The following COL20A1 variants were observed in gnomAD, a reference collection of about 807,000 sequenced individuals.
The protein encoded by COL20A1 is collagen alpha-1(XX) chain.
COL20A1 carries 164 observed loss-of-function variants against 152.9 expected under a neutral mutation model. The observed-to-expected ratio is 1.07, with a 90% confidence interval of 0.94 to 1.22. The LOEUF is 1.22. Among genes scored for constraint, COL20A1 ranks in the 50% most tolerant of loss-of-function variants. COL20A1 has a pLI of 0.00. For missense variants in COL20A1, 1,873 were observed against 1,744.8 expected, an observed-to-expected ratio of 1.07 and a Z score of -1.31; for synonymous variants, 864 against 756.0, an observed-to-expected ratio of 1.14 and a Z score of -2.34.
chr20:63,326,875 G>T lies in COL20A1; in HGVS notation c.3528+52G>T, dbSNP rs568155476. 634 of 1,332,574 alleles carry T rather than the reference G, an allele frequency of 4.8e-4. 1 individual carries two copies. Among genetic ancestry groups the T allele is most frequent in the Middle Eastern group, 2.4e-3 (13 of 5,482 alleles). 82.5% of individuals were successfully genotyped at this position (1,332,574 alleles called of 1,614,324 possible). A position where few individuals can be genotyped will look rare whatever the true frequency, so the allele number is the denominator to read the frequency against. On this transcript the variant is annotated intron_variant, in intron 31 of 35. Coordinates refer to ENST00000358894, the MANE Select transcript of COL20A1 (RefSeq NM_020882.4). ...CCAACCAAAGGTGGGGGAGCGAAGG[G>T]TGCAAGCCCCACATGCAACCACTCA... is the stretch of plus-strand genomic sequence containing the variant.
intron 3 of COL20A1, among the ~76,000 whole-genome samples, chr20:63,304,430 G>T (rs111174531): frequency 1.3e-4 from 11 of 82,426 alleles, no homozygotes; most frequent in South Asian, 4.5e-4. Flanking sequence ...CAGGTGTGCA[G>T]GTGTGGGTTC....
chr20:63,325,363 T>G, intron 27 of COL20A1, 78 bp from the exon 28 acceptor site: 7 of 1,078,574 alleles, frequency 6.5e-6, no homozygotes, highest in East Asian at 2.4e-5. Context: ...CAGGGGCCTG[T>G]GGTAGGTGTC....
chr20:63,305,743 C>A lies in COL20A1; in HGVS notation c.338-138C>A, dbSNP rs957134450. On this transcript the variant is annotated intron_variant, in intron 4 of 35. Coordinates refer to ENST00000358894, the MANE Select transcript of COL20A1 (RefSeq NM_020882.4). This position sits in a 1 kb window ranked among gnomAD's most constrained non-coding sequence, Gnocchi z 4.9. ...GACTCACCAGCAAGGCTGCCTTGCC[C>A]CTGACATCTTTGCATGCCTCCCAGG... 2.7e-6 allele frequency: 3 copies of A among 1,107,210 alleles called. No individual in the cohort carries two copies. The highest frequency in any genetic ancestry group is 2.5e-5 in the East Asian group (1 of 39,404). 68.6% of individuals were successfully genotyped at this position (1,107,210 alleles called of 1,614,324 possible).
chr20:63,331,161 G>C lies in COL20A1; in HGVS notation c.*445G>C, dbSNP rs2068329640. 6.6e-6 allele frequency: 1 copy of C among 152,314 alleles called. No homozygotes were observed. The highest frequency in any genetic ancestry group is 2.4e-5 in the African/African-American group (1 of 41,460). The allele number at this position is 152,314 out of a possible 1,614,324, so 9.4% of individuals were successfully genotyped here. ...TCTGGGCCTCATCTAAGCCTGGCCA[G>C]GGCCCTGTGGGCCCGCCTCTCTCTG... is the stretch of plus-strand genomic sequence containing the variant. On this transcript the variant is annotated 3_prime_UTR_variant, in exon 36 of 36. Transcript: ENST00000358894.
chr20:63,319,814 G>A lies in COL20A1; in HGVS notation c.2916+218G>A, dbSNP rs551094952. Among the ~76,000 whole-genome samples the A allele has an allele frequency of 5.3e-4, 81 of 152,256 alleles. No individual in the cohort carries two copies. The Middle Eastern group carries it at 0.014, about 26-fold the overall frequency. On this transcript the variant is annotated intron_variant, in intron 23 of 35. Transcript: ENST00000358894. This position sits in a 1 kb window ranked among gnomAD's most constrained non-coding sequence, Gnocchi z 4.4. ...CATCTCTTTGGGACCCACAGACCCC[G>A]GGAGGCTCCTGCAGCAGGTGCCATT...
Position 63,311,717 on chromosome 20 carries a change from C to T in COL20A1, c.1632C>T (p.Gly544=). 6.2e-7 allele frequency: 1 copy of T among 1,600,674 alleles called. No homozygotes were observed. The highest frequency in any genetic ancestry group is 1.3e-5 in the African/African-American group (1 of 74,896). ...TGCAGAGCCTGCGAGGCCCTGAGGG[C>T]AGCGAGGCCCGGGGCATCCGTGCCA... ...VSVQSLRGPE[G]SEARGIRART... Residue 544 remains glycine, a synonymous_variant, in exon 13 of 36, where the codon GGC becomes GGT. Coordinates refer to ENST00000358894, the MANE Select transcript of COL20A1 (RefSeq NM_020882.4). This position sits in a 1 kb window ranked among gnomAD's most constrained non-coding sequence, Gnocchi z 4.4.
intron 1 of COL20A1, 166 bp from the exon 2 acceptor site, chr20:63,294,932 C>G (rs1315996760): frequency 3.5e-6 from 2 of 577,108 alleles, no homozygotes; most frequent in African/African-American, 3.8e-5. Flanking sequence ...GAGGTATCCC[C>G]TAGACAACAG....
intron 2 of COL20A1, among the ~76,000 whole-genome samples, chr20:63,296,450 ACT>A (rs1278176373): frequency 6.6e-6 from 1 of 152,206 alleles, no homozygotes; most frequent in African/African-American, 2.4e-5. Context: ...GGCTGGGGGC[ACT>A]GAGTCCAGCC....
chr20:63,312,856 G>A lies in COL20A1; in HGVS notation c.1998G>A (p.Ala666=), dbSNP rs536458654. ...TELPGDAVQL[A]WVAAAPSGVL... The stretch of plus-strand genomic sequence containing the variant: ...TGCCAGGGGATGCAGTCCAGCTGGC[G>A]TGGGTGGCCGCAGCCCCGTCTGGCG... The change falls in exon 16 of 36, where the codon GCG becomes GCA. Residue 666 remains alanine (A), a synonymous_variant. Coordinates refer to ENST00000358894, the MANE Select transcript of COL20A1 (RefSeq NM_020882.4). The A allele has an allele frequency of 4.4e-5, 68 of 1,557,388 alleles. No individual in the cohort carries two copies. The South Asian group carries it at 4.6e-4, about 11-fold the overall frequency.
At chr20:63,301,053 G>A (rs1031096519) in intron 3 of COL20A1, among the ~76,000 whole-genome samples, 5 of 152,030 alleles carry the variant, frequency 3.3e-5, no homozygotes, top group Admixed American at 1.3e-4. Context: ...GGTGGCTCAC[G>A]CCTATAATCC....
rs112496201 is a variant in COL20A1, at chr20:63,334,217, T to A, written c.*3501T>A. 66 of 152,240 alleles carry A rather than the reference T, an allele frequency of 4.3e-4. 1 individual carries two copies. Among genetic ancestry groups the A allele is most frequent in the African/African-American group, 1.5e-3 (62 of 41,512 alleles). The allele number at this position is 152,240 out of a possible 1,614,324, so 9.4% of individuals were successfully genotyped here. The stretch of plus-strand genomic sequence containing the variant: ...ATGAAACTGGAAAAACAACCAATGA[T>A]AACAAGCTAAAGAATGCCTCTAGAA... On this transcript the variant is annotated 3_prime_UTR_variant, in exon 36 of 36. Coordinates refer to ENST00000358894, the MANE Select transcript of COL20A1 (RefSeq NM_020882.4).
chr20:63,323,477 G>A (rs1390476675), intron 27 of COL20A1, among the ~76,000 whole-genome samples: 2 of 152,174 alleles, frequency 1.3e-5, no homozygotes, highest in Non-Finnish European at 2.9e-5. Context: ...GTGCTTCCAG[G>A]CACTTTTCGA....
intron 31 of COL20A1, chr20:63,327,093 G>T: frequency 2.5e-6 from 1 of 398,560 alleles, no homozygotes; most frequent in Non-Finnish European, 4.5e-6. Context: ...GCTCTCCCAG[G>T]GACTTCCTGT....
At chr20:63,298,623 G>A (rs1447414529) in intron 3 of COL20A1, among the ~76,000 whole-genome samples, 1 of 152,100 alleles carries the variant, frequency 6.6e-6, no homozygotes, top group East Asian at 1.9e-4. Flanking sequence ...TCCTCAGAAC[G>A]AGTCTCAATG....
chr20:63,294,047 CTCTG>C (rs952975032), intron 1 of COL20A1, among the ~76,000 whole-genome samples: 2 of 103,924 alleles, frequency 1.9e-5, no homozygotes, highest in Non-Finnish European at 4.1e-5. Context: ...GCCGGGAGTG[CTCTG>C]TCTGCTTTCT....
chr20:63,297,461 A>G (rs779485928), intron 2 of COL20A1, among the ~76,000 whole-genome samples: 3 of 151,730 alleles, frequency 2.0e-5, no homozygotes, highest in South Asian at 2.1e-4. Flanking sequence ...GACTCAGCCC[A>G]GGGGCCCCAG....
At chr20:63,309,995 A>G in intron 10 of COL20A1, 80 bp downstream of exon 10, 2 of 1,281,958 alleles carry the variant, frequency 1.6e-6, no homozygotes, top group Non-Finnish European at 2.1e-6. Flanking sequence ...GAGGGCAGGA[A>G]TAAAGGCCCA....
Position 63,305,921 on chromosome 20 carries a change from G to A in COL20A1, c.378G>A (p.Gln126=), listed in dbSNP as rs750139857. ...LKSSSLDRSS[Q]RPLGSGAPEP... ...GTAGCTCCCTGGACAGGAGCAGCCA[G>A]AGGCCCCTCGGCTCTGGAGCCCCGG... The change falls in exon 5 of 36, where the codon CAG becomes CAA. Residue 126 remains glutamine, a synonymous_variant. Transcript: ENST00000358894. The surrounding 1 kb of genome is among the most constrained non-coding windows in gnomAD (Gnocchi z 4.9). 6.2e-7 allele frequency: 1 copy of A among 1,612,924 alleles called. No individual in the cohort carries two copies. The highest frequency in any genetic ancestry group is 1.7e-5 in the Admixed American group (1 of 60,014).
rs1482577706 is a variant in COL20A1 at position 63,328,386 on chromosome 20, C to A, written c.3669C>A (p.Ile1223=). The change falls in exon 34 of 36, where the codon ATC becomes ATA. Residue 1223 remains isoleucine, a synonymous_variant. Coordinates refer to ENST00000358894, the MANE Select transcript of COL20A1 (RefSeq NM_020882.4). ...FHENTRPPMP[I]LEQKLEPGTE... ...AGAACACCAGGCCCCCCATGCCCAT[C>A]TTGGAGCAGAAGCTGGAGCCGGGCA... 1 of 1,612,742 alleles carries A rather than the reference C, an allele frequency of 6.2e-7. No homozygotes were observed. Among genetic ancestry groups the A allele is most frequent in the South Asian group, 1.1e-5 (1 of 90,932 alleles).
Sources: gnomAD v4.1 joint callset for allele counts (sites outside exome capture counted in the v4.1 genomes callset) on GRCh38, gnomAD v4.1.1 for gene constraint, Gnocchi (gnomAD v3.1) non-coding constraint, MANE v1.5 for transcripts, NCBI Gene and HGNC (gene_info 2026-07-23, HGNC 2026-07-21) for gene names.